Variants in ZSWIM5 observed in about 807,000 individuals in gnomAD.
ZSWIM5 encodes the protein zinc finger SWIM-type containing 5.
Under a neutral mutation model 119.6 loss-of-function variants are expected in ZSWIM5, and 55 were observed. The observed-to-expected ratio is 0.46, with a 90% CI of 0.37 to 0.58. The LOEUF (loss-of-function observed/expected upper bound fraction) is 0.58, where lower values mean the gene tolerates loss of function less well. ZSWIM5 is among the 20% of genes least tolerant of loss of function. The probability of loss-of-function intolerance (pLI) is 0.00; values close to 1 mark genes in which losing one functional copy is unlikely to be tolerated. For synonymous variants in ZSWIM5, 537 were observed against 606.9 expected (o/e 0.88, Z 1.69); for missense variants, 1,193 against 1,512.8 (o/e 0.79, Z 3.51).
At chr1:45,144,885 A>C (rs1225408826) in intron 1 of ZSWIM5, among the ~76,000 whole-genome samples, 1 of 152,204 alleles carries the variant, frequency 6.6e-6, no homozygotes, top group Admixed American at 6.5e-5. Flanking sequence ...GAAACAAGCC[A>C]CAGACTGGGA....
At chr1:45,045,549 G>A (rs1645048731) in intron 5 of ZSWIM5, among the ~76,000 whole-genome samples, 1 of 152,154 alleles carries the variant, frequency 6.6e-6, no homozygotes, top group East Asian at 1.9e-4. Context: ...AGCACTGACA[G>A]TATTTACTGA....
At chr1:45,166,843 C>T (rs998181864) in intron 1 of ZSWIM5, among the ~76,000 whole-genome samples, 2 of 152,118 alleles carry the variant, frequency 1.3e-5, no homozygotes, top group Non-Finnish European at 2.9e-5. Context: ...AATGGAAGAA[C>T]ATTCCATGCT....
intron 10 of ZSWIM5, among the ~76,000 whole-genome samples, chr1:45,035,123 G>A (rs1644975153): frequency 6.6e-6 from 1 of 152,112 alleles, no homozygotes; most frequent in East Asian, 1.9e-4. Flanking sequence ...TACATGCCAA[G>A]GAATTTCCTG....
rs1299659377 is a variant in ZSWIM5, at chr1:45,057,662, C to A, written c.1252+947G>T. 6.6e-6 allele frequency among the ~76,000 whole-genome samples: 1 copy of A among 152,136 alleles called. No homozygotes were observed. The highest frequency in any genetic ancestry group is 1.5e-5 in the Non-Finnish European group (1 of 68,018). On this transcript the variant is annotated intron_variant, in intron 4 of 13. Transcript: ENST00000359600. The surrounding 1 kb of genome is among the most constrained non-coding windows in gnomAD (Gnocchi z 4.7). The stretch of plus-strand genomic sequence containing the variant: ...ACAGATTGGGCTTCCAGTGTTAGAG[C>A]CAAAACTTACTAGTGTGTGACCCTG...
chr1:45,073,714 T>C (rs1017577878), intron 2 of ZSWIM5, among the ~76,000 whole-genome samples: 1 of 151,894 alleles, frequency 6.6e-6, no homozygotes, highest in East Asian at 1.9e-4. Flanking sequence ...CCAATTTAAA[T>C]GCCCCTTATT....
intron 1 of ZSWIM5, among the ~76,000 whole-genome samples, chr1:45,197,481 T>A (rs1646133520): frequency 6.6e-6 from 1 of 152,228 alleles, no homozygotes; most frequent in Non-Finnish European, 1.5e-5. Context: ...AGTAAGTTTG[T>A]TCTTTTTTAT....
intron 11 of ZSWIM5, among the ~76,000 whole-genome samples, chr1:45,029,076 C>T (rs1180219003): frequency 6.6e-6 from 1 of 152,174 alleles, no homozygotes; most frequent in Non-Finnish European, 1.5e-5. Context: ...GTGTGTATTT[C>T]CTACAAAGAC....
rs58028758 is a variant in ZSWIM5, at chr1:45,071,454, CTT to C, written c.953-11209_953-11208del. On this transcript the variant is annotated intron_variant, in intron 2 of 13. Coordinates refer to ENST00000359600, the MANE Select transcript of ZSWIM5 (RefSeq NM_020883.2). The stretch of plus-strand genomic sequence containing the variant: ...CATGTTGTTGCAAATGACAGAATCT[CTT>C]TTTTTTTTTTTTTTTTTGAGATAGG... Among the ~76,000 whole-genome samples the C allele has an allele frequency of 1.9e-3, 179 of 93,744 alleles. 1 individual carries two copies. The highest frequency in any genetic ancestry group is 5.1e-3 in the African/African-American group (121 of 23,788). The allele number at this position is 93,744 out of a possible 152,430, so 61.5% of individuals were successfully genotyped here. A position where few individuals can be genotyped will look rare whatever the true frequency, so the allele number is the denominator to read the frequency against.
At chr1:45,194,387 A>G (rs1646109994) in intron 1 of ZSWIM5, among the ~76,000 whole-genome samples, 1 of 152,162 alleles carries the variant, frequency 6.6e-6, no homozygotes, top group African/African-American at 2.4e-5. Context: ...TTTTTTTAAC[A>G]AAAAAGGTAA....
At chr1:45,137,449 C>T (rs1385576923) in intron 1 of ZSWIM5, among the ~76,000 whole-genome samples, 1 of 151,744 alleles carries the variant, frequency 6.6e-6, no homozygotes, top group Non-Finnish European at 1.5e-5. Context: ...TATTAGAAGA[C>T]AACTGCTATA....
In ZSWIM5 at chr1:45,019,285, G is replaced by C; in HGVS notation, c.2727C>G (p.Ser909Arg). Reference protein sequence around the residue: ...GVRALVSILQSWYTLFTPTEA... With the variant: ...GVRALVSILQRWYTLFTPTEA... ...CAGTAGGGGTGAAGAGTGTGTACCA[G>C]CTCTGCAAGATGCTCACCAGGGCCC... Residue 909 changes from serine to arginine, a missense_variant, in exon 14 of 14, where the codon AGC becomes AGG. Ser to Arg is a moderately radical substitution (Grantham distance 110). Around this residue, in one of 2 missense-constraint regions of ZSWIM5, gnomAD observed 961 missense variants for 1,290.0 expected, o/e 0.74. Transcript: ENST00000359600. The surrounding 1 kb of genome is among the most constrained non-coding windows in gnomAD (Gnocchi z 5.0). 1.2e-6 allele frequency: 2 copies of C among 1,613,100 alleles called. No individual in the cohort carries two copies. Among genetic ancestry groups the C allele is most frequent in the Non-Finnish European group, 8.5e-7 (1 of 1,179,942 alleles).
chr1:45,093,167 A>G (rs1645378167), intron 1 of ZSWIM5, among the ~76,000 whole-genome samples: 1 of 152,230 alleles, frequency 6.6e-6, no homozygotes, highest in Non-Finnish European at 1.5e-5. Flanking sequence ...CTGCCTCTCC[A>G]TAATATTGTA....
intron 2 of ZSWIM5, chr1:45,070,220 C>T: frequency 2.8e-6 from 4 of 1,447,608 alleles, no homozygotes; most frequent in Non-Finnish European, 2.9e-6. Flanking sequence ...AAGCTACTGG[C>T]CTCTGATGCC....
At chr1:45,023,037 A>G (rs1367863550) in intron 11 of ZSWIM5, among the ~76,000 whole-genome samples, 1 of 152,210 alleles carries the variant, frequency 6.6e-6, no homozygotes, top group East Asian at 1.9e-4. Context: ...CAGAGGGCTG[A>G]TTGTACATAA....
At chr1:45,191,274 T>G (rs971787417) in intron 1 of ZSWIM5, among the ~76,000 whole-genome samples, 1 of 152,298 alleles carries the variant, frequency 6.6e-6, no homozygotes, top group East Asian at 1.9e-4. Context: ...CTCAGTCATT[T>G]GCAGGCTGCC....
At chr1:45,129,576 A>G (rs1274723089) in intron 1 of ZSWIM5, among the ~76,000 whole-genome samples, 1 of 152,246 alleles carries the variant, frequency 6.6e-6, no homozygotes. Context: ...CATTGCTGAC[A>G]TATAGGAAAG....
chr1:45,064,031 C>G (rs758251103), intron 2 of ZSWIM5, among the ~76,000 whole-genome samples: 3 of 151,950 alleles, frequency 2.0e-5, no homozygotes, highest in Non-Finnish European at 4.4e-5. Flanking sequence ...GAGGCTAACA[C>G]TGCTGAGGTT....
At chr1:45,174,695 G>A (rs796483496) in intron 1 of ZSWIM5, among the ~76,000 whole-genome samples, 56 of 151,898 alleles carry the variant, frequency 3.7e-4, no homozygotes, top group South Asian at 1.9e-3. Flanking sequence ...AGCTGAGATC[G>A]CGCCACTGCA....
intron 1 of ZSWIM5, among the ~76,000 whole-genome samples, chr1:45,128,053 T>C (rs1645631776): frequency 6.6e-6 from 1 of 152,210 alleles, no homozygotes; most frequent in African/African-American, 2.4e-5. Flanking sequence ...AAATGTCAAT[T>C]CTTTCTAAAT....
Sources: gnomAD v4.1 joint callset for allele counts (sites outside exome capture counted in the v4.1 genomes callset) on GRCh38, gnomAD v4.1.1 for gene constraint, gnomAD v4.1.1 regional missense constraint, Gnocchi (gnomAD v3.1) non-coding constraint, MANE v1.5 for transcripts, NCBI Gene and HGNC (gene_info 2026-07-23, HGNC 2026-07-21) for gene names.